Variants in CCDC192 observed in about 807,000 individuals in gnomAD.
CCDC192 encodes coiled-coil domain containing 192, also known as coiled-coil domain-containing protein 192.
chr5:127,719,230 C>T lies in CCDC192; in HGVS notation c.114+11470C>T, dbSNP rs138257666. ...CATATTGTTGAAAAGGACAGGATATCGTTCTTTTATATGGCTGACTAGTAC... is the reference window on the plus strand; with the variant it reads ...CATATTGTTGAAAAGGACAGGATATTGTTCTTTTATATGGCTGACTAGTAC... On this transcript the variant is annotated intron_variant, in intron 2 of 6. Coordinates refer to ENST00000514853, the MANE Select transcript of CCDC192 (RefSeq NM_001317938.2). Among the ~76,000 whole-genome samples, 189 of 152,006 alleles carry T rather than the reference C, an allele frequency of 1.2e-3. 1 individual carries two copies. The highest frequency in any genetic ancestry group is 4.3e-3 in the African/African-American group (177 of 41,492).
At chr5:127,870,583 A>G (rs969344687) in intron 5 of CCDC192, among the ~76,000 whole-genome samples, 29 of 152,318 alleles carry the variant, frequency 1.9e-4, no homozygotes, top group African/African-American at 7.0e-4. Flanking sequence ...TCTTGTCTAC[A>G]TAGAGAGATA....
intron 2 of CCDC192, among the ~76,000 whole-genome samples, chr5:127,724,876 C>A (rs810996): frequency 0.78 from 115,881 of 149,324 alleles, 45,077 homozygotes; most frequent in East Asian, 0.88. Context: ...AGAAAAGAAA[C>A]GTCTAGTTTC....
chr5:127,718,786 T>C (rs1201948652), intron 2 of CCDC192, among the ~76,000 whole-genome samples: 4 of 152,178 alleles, frequency 2.6e-5, no homozygotes, highest in Non-Finnish European at 5.9e-5. Context: ...GTGGTGTGTA[T>C]ATCTATGGGG....
At chr5:127,712,109 C>A (rs151151434) in intron 2 of CCDC192, among the ~76,000 whole-genome samples, 1 of 152,206 alleles carries the variant, frequency 6.6e-6, no homozygotes, top group African/African-American at 2.4e-5. Flanking sequence ...AGAATGTACC[C>A]TTTTTTACTG....
chr5:127,747,059 G>T (rs76431717), intron 2 of CCDC192, among the ~76,000 whole-genome samples: 1 of 149,110 alleles, frequency 6.7e-6, no homozygotes, highest in Admixed American at 6.7e-5. Flanking sequence ...ATGTAGGAAT[G>T]CAGTTCATTC....
intron 2 of CCDC192, among the ~76,000 whole-genome samples, chr5:127,709,118 A>AGAGAGAGG (rs1751142625): frequency 2.4e-5 from 3 of 126,010 alleles, no homozygotes; most frequent in Admixed American, 8.4e-5. Context: ...AGAGAGAGAG[A>AGAGAGAGG]GAGAGGGAGA....
At chr5:127,910,928 T>G (rs1282688222) in intron 6 of CCDC192, among the ~76,000 whole-genome samples, 4 of 152,196 alleles carry the variant, frequency 2.6e-5, no homozygotes, top group Non-Finnish European at 5.9e-5. Context: ...TGTAGCTTCA[T>G]GCATTGTGTA....
chr5:127,725,456 A>C (rs1184118441), intron 2 of CCDC192, among the ~76,000 whole-genome samples: 1 of 152,238 alleles, frequency 6.6e-6, no homozygotes, highest in East Asian at 1.9e-4. Flanking sequence ...GTGAAATTAA[A>C]TTTGAATAAT....
chr5:127,773,338 G>A (rs746418337), intron 3 of CCDC192, among the ~76,000 whole-genome samples: 6 of 152,068 alleles, frequency 3.9e-5, no homozygotes, highest in Non-Finnish European at 8.8e-5. Flanking sequence ...GTCACATTTA[G>A]TGCATTCCCA....
intron 2 of CCDC192, among the ~76,000 whole-genome samples, chr5:127,730,227 A>C (rs75562545): frequency 6.6e-6 from 1 of 152,236 alleles, no homozygotes; most frequent in Non-Finnish European, 1.5e-5. Context: ...AACAACCATC[A>C]GAGAATACTA....
rs560565901 is a variant in CCDC192, at chr5:127,833,015, T to A, written c.411+34853T>A. ...AGAATTTGAGGGAAAAATTTAATCGTGGCCACATTAAAAGGCTTAGCCCTC... is the reference window on the plus strand; with the variant it reads ...AGAATTTGAGGGAAAAATTTAATCGAGGCCACATTAAAAGGCTTAGCCCTC... On this transcript the variant is annotated intron_variant, in intron 5 of 6. Coordinates refer to ENST00000514853, the MANE Select transcript of CCDC192 (RefSeq NM_001317938.2). Among the ~76,000 whole-genome samples, 22 of 152,278 alleles carry A rather than the reference T, an allele frequency of 1.4e-4. No homozygotes were observed. In the East Asian group the frequency reaches 4.2e-3, roughly 29 times the overall value.
chr5:127,859,309 A>G (rs955957342), intron 5 of CCDC192, among the ~76,000 whole-genome samples: 36 of 152,280 alleles, frequency 2.4e-4, no homozygotes, highest in African/African-American at 8.7e-4. Context: ...CAACTTTCTG[A>G]GAGGGTCTTC....
chr5:127,751,467 T>G (rs1322422252), intron 2 of CCDC192, among the ~76,000 whole-genome samples: 2 of 152,102 alleles, frequency 1.3e-5, no homozygotes, highest in Admixed American at 1.3e-4. Context: ...GCTTGTAGGG[T>G]TTCTGCCGAG....
chr5:127,711,634 C>G (rs985996302), intron 2 of CCDC192, among the ~76,000 whole-genome samples: 1 of 152,030 alleles, frequency 6.6e-6, no homozygotes, highest in African/African-American at 2.4e-5. Context: ...AAGATTCTTT[C>G]CTTTGATGAG....
chr5:127,809,996 T>C (rs910065734), intron 5 of CCDC192, among the ~76,000 whole-genome samples: 6 of 152,222 alleles, frequency 3.9e-5, no homozygotes, highest in African/African-American at 7.2e-5. Context: ...GATTTTACAT[T>C]CAGGCTGCTA....
At chr5:127,935,210 C>T (rs1239401468) in intron 6 of CCDC192, 2 of 152,276 alleles carry the variant, frequency 1.3e-5, no homozygotes, top group Admixed American at 1.3e-4. Context: ...AGCTGTGGAG[C>T]CAACATTTTA....
intron 3 of CCDC192, among the ~76,000 whole-genome samples, chr5:127,764,959 C>G (rs886948604): frequency 5.9e-5 from 9 of 152,122 alleles, no homozygotes; most frequent in Non-Finnish European, 1.3e-4. Flanking sequence ...GTATGAAGAT[C>G]TCATTTATTA....
In CCDC192 at chr5:127,812,592, AT is replaced by A. The variant is rs200885976; in HGVS notation, c.411+14433del. ...ATTTTATTGATTTTAACTCTTAATT[AT>A]TTCACTGTCTTCAAAAAAAATACAT... On this transcript the variant is annotated intron_variant, in intron 5 of 6. Coordinates refer to ENST00000514853, the MANE Select transcript of CCDC192 (RefSeq NM_001317938.2). Among the ~76,000 whole-genome samples the A allele has an allele frequency of 5.1e-3, 777 of 152,232 alleles. 3 individuals are homozygous for A. The highest frequency in any genetic ancestry group is 0.018 in the African/African-American group (760 of 41,528).
intron 5 of CCDC192, among the ~76,000 whole-genome samples, chr5:127,873,263 A>T (rs1310882975): frequency 6.6e-6 from 1 of 152,214 alleles, no homozygotes; most frequent in Admixed American, 6.5e-5. Flanking sequence ...AATAGTTGTG[A>T]CATGATTTGA....
Sources: allele counts gnomAD v4.1 joint callset (sites outside exome capture counted in the v4.1 genomes callset), GRCh38; gene constraint gnomAD v4.1.1; transcripts MANE v1.5; gene names NCBI Gene and HGNC (gene_info 2026-07-23, HGNC 2026-07-21).